The following WDFY3 variants were observed in gnomAD, a reference collection of about 807,000 sequenced individuals.
The protein encoded by WDFY3 is WD repeat and FYVE domain containing 3, also known as WD repeat and FYVE domain-containing protein 3.
In WDFY3, 66 loss-of-function variants were observed where a neutral mutation model predicts 409.6. The observed-to-expected ratio is 0.16, with a 90% CI of 0.13 to 0.20. The LOEUF (loss-of-function observed/expected upper bound fraction) is 0.20, where lower values mean the gene tolerates loss of function less well. Among genes scored for constraint, WDFY3 ranks in the 10% least tolerant of loss-of-function variants. The pLI is 1.00. For synonymous variants in WDFY3, 1,521 were observed against 1,537.1 expected (o/e 0.99, Z 0.25); for missense variants, 3,031 against 4,298.1 (o/e 0.71, Z 8.24).
chr4:84,829,699 C>A (rs1382042519), intron 8 of WDFY3, among the ~76,000 whole-genome samples: 1 of 151,584 alleles, frequency 6.6e-6, no homozygotes, highest in Non-Finnish European at 1.5e-5. Flanking sequence ...CCCAGCTACT[C>A]GGGAGGCTGA....
Position 84,724,445 on chromosome 4 carries a change from G to A in WDFY3, c.7422C>T (p.Asp2474=), listed in dbSNP as rs1560603409. 6.2e-7 allele frequency: 1 copy of A among 1,612,158 alleles called. No individual in the cohort carries two copies. Among genetic ancestry groups the A allele is most frequent in the Non-Finnish European group, 8.5e-7 (1 of 1,179,384 alleles). ...AAQQEPEHGE[D]TIAKVKGLVK... ...GCTGACCTTTGACTTTAGCAATAGT[G>A]TCTTCCCCATGCTCTGGTTCTTGCT... The change falls in exon 46 of 68, where the codon GAC becomes GAT. Residue 2474 remains aspartate, a synonymous_variant. Coordinates refer to ENST00000295888, the MANE Select transcript of WDFY3 (RefSeq NM_014991.6).
At position 84,850,088 on chromosome 4, in the gene WDFY3, T is replaced by C. The variant is rs1196931205; in HGVS notation, c.181-63A>G. ...CAAATTTTTCTTTTTATTTTGTGAA[T>C]TTTCAAGTGTGGTATGACTTGAAAA... is the stretch of plus-strand genomic sequence containing the variant. On this transcript the variant is annotated intron_variant, in intron 4 of 67. Transcript: ENST00000295888. 2.0e-6 allele frequency: 3 copies of C among 1,512,996 alleles called. No individual in the cohort carries two copies. The African/African-American group carries it at 4.2e-5, about 21-fold the overall frequency. The allele number at this position is 1,512,996 out of a possible 1,614,324, so 93.7% of individuals were successfully genotyped here.
chr4:84,808,299 C>T (rs1578616603), intron 15 of WDFY3, 35 bp downstream of exon 15: 1 of 1,552,116 alleles, frequency 6.4e-7, no homozygotes, highest in African/African-American at 1.4e-5. Flanking sequence ...GAACCCCACA[C>T]AAATAGAGAC....
chr4:84,883,158 C>T (rs1763766088), intron 3 of WDFY3, among the ~76,000 whole-genome samples: 1 of 152,162 alleles, frequency 6.6e-6, no homozygotes, highest in Non-Finnish European at 1.5e-5. Context: ...ATCTGTCCTT[C>T]CACCATATCA....
At chr4:84,867,454 G>A (rs1289665934) in intron 3 of WDFY3, among the ~76,000 whole-genome samples, 2 of 152,150 alleles carry the variant, frequency 1.3e-5, no homozygotes, top group East Asian at 3.8e-4. Flanking sequence ...GGATTATTGT[G>A]TATAAGAACT....
intron 4 of WDFY3, among the ~76,000 whole-genome samples, chr4:84,851,489 G>T (rs1758999638): frequency 6.6e-6 from 1 of 152,106 alleles, no homozygotes; most frequent in Non-Finnish European, 1.5e-5. Flanking sequence ...CATTCAGGGA[G>T]CACTGAAGGA....
chr4:84,713,133 T>A, intron 51 of WDFY3, 26 bp downstream of exon 51: 1 of 1,608,346 alleles, frequency 6.2e-7, no homozygotes, highest in Non-Finnish European at 8.5e-7. Context: ...TATTAAACTG[T>A]AACATGCAAG....
chr4:84,766,546 A>G (rs1444007476), intron 30 of WDFY3, among the ~76,000 whole-genome samples, 174 bp from the exon 31 acceptor site: 2 of 152,196 alleles, frequency 1.3e-5, no homozygotes. Flanking sequence ...TCTCTTTAGA[A>G]CTCCGAAAAT....
chr4:84,702,991 G>A (rs1162390276), intron 55 of WDFY3, among the ~76,000 whole-genome samples: 2 of 151,980 alleles, frequency 1.3e-5, no homozygotes, highest in Admixed American at 6.5e-5. Context: ...AGCTACTTGG[G>A]AGGCTGAGGC....
chr4:84,842,341 G>GT (rs1350169330), intron 5 of WDFY3, among the ~76,000 whole-genome samples: 1 of 152,022 alleles, frequency 6.6e-6, no homozygotes, highest in Non-Finnish European at 1.5e-5. Flanking sequence ...GGCAGGTGTG[G>GT]TGTCATGAGC....
chr4:84,696,016 G>C lies in WDFY3; in HGVS notation c.8855C>G (p.Thr2952Arg). 6.2e-7 allele frequency: 1 copy of C among 1,614,180 alleles called. No homozygotes were observed. The highest frequency in any genetic ancestry group is 8.5e-7 in the Non-Finnish European group (1 of 1,180,022). Residue 2952 changes from threonine to arginine, a missense_variant, in exon 58 of 68, where the codon ACA (threonine) becomes AGA (arginine). By Grantham distance (71) the Thr-to-Arg change is moderately conservative. Coordinates refer to ENST00000295888, the MANE Select transcript of WDFY3 (RefSeq NM_014991.6). ...IYNINDPLKE[T>R]ATIGFINNFG... ...GTTATTAATGAACCCAATTGTGGCT[G>C]TCTCCTTTAGTGGGTCATTGATGTT...
chr4:84,966,468 C>G lies in WDFY3; in HGVS notation c.-485G>C, dbSNP rs993860564. The stretch of plus-strand genomic sequence containing the variant: ...GCAGCGACGCCGCCGCCTTTCCCTT[C>G]TCCTGCCCCCGTCCCTGCTCCGCCG... On this transcript the variant is annotated 5_prime_UTR_variant, in exon 1 of 68. Transcript: ENST00000295888. 5 of 156,358 alleles carry G rather than the reference C, an allele frequency of 3.2e-5. No homozygotes were observed. Among genetic ancestry groups the G allele is most frequent in the African/African-American group, 9.7e-5 (4 of 41,422 alleles). 9.7% of individuals were successfully genotyped at this position (156,358 alleles called of 1,614,324 possible).
chr4:84,853,312 A>G (rs533099460), intron 4 of WDFY3, among the ~76,000 whole-genome samples: 227 of 152,180 alleles, frequency 1.5e-3, no homozygotes, highest in African/African-American at 5.0e-3. Flanking sequence ...CTGGGATTAC[A>G]GGCACCCACC....
At chr4:84,742,264 T>C (rs1186539775) in intron 37 of WDFY3, among the ~76,000 whole-genome samples, 1 of 152,182 alleles carries the variant, frequency 6.6e-6, no homozygotes, top group Non-Finnish European at 1.5e-5. Flanking sequence ...TCTTAATTGA[T>C]TTTGTGTATG....
At chr4:84,906,271 A>G (rs1186281776) in intron 2 of WDFY3, among the ~76,000 whole-genome samples, 1 of 152,224 alleles carries the variant, frequency 6.6e-6, no homozygotes, top group Admixed American at 6.5e-5. Flanking sequence ...TATAACTCAG[A>G]GACAGACGTG....
At chr4:84,850,467 C>A (rs1758752119) in intron 4 of WDFY3, among the ~76,000 whole-genome samples, 1 of 152,064 alleles carries the variant, frequency 6.6e-6, no homozygotes, top group African/African-American at 2.4e-5. Flanking sequence ...CAGGTGCATG[C>A]CATCATGCCT....
chr4:84,760,000 G>C (rs1455201245), intron 32 of WDFY3, among the ~76,000 whole-genome samples: 1 of 151,994 alleles, frequency 6.6e-6, no homozygotes, highest in Non-Finnish European at 1.5e-5. Context: ...TTTATTGAGA[G>C]TTTTTAGCCT....
intron 21 of WDFY3, among the ~76,000 whole-genome samples, chr4:84,791,559 T>G (rs1374360381): frequency 6.6e-6 from 1 of 152,216 alleles, no homozygotes; most frequent in Non-Finnish European, 1.5e-5. Flanking sequence ...TTGTTAACTT[T>G]TTGACATTGA....
chr4:84,822,842 C>T (rs1440351474), intron 10 of WDFY3, among the ~76,000 whole-genome samples: 1 of 152,168 alleles, frequency 6.6e-6, no homozygotes. Context: ...TTGTTTATTA[C>T]ATGTATGGCA....
Sources: allele counts gnomAD v4.1 joint callset (sites outside exome capture counted in the v4.1 genomes callset), GRCh38; gene constraint gnomAD v4.1.1; transcripts MANE v1.5; gene names NCBI Gene and HGNC (gene_info 2026-07-23, HGNC 2026-07-21).